The following STMND1 variants were observed in gnomAD, a reference collection of about 807,000 sequenced individuals.
The protein encoded by STMND1 is stathmin domain-containing protein 1.
A neutral mutation model predicts 23.0 loss-of-function variants in STMND1; 17 were observed. The ratio of observed to expected loss-of-function variants is 0.74; its 90% CI spans 0.51 to 1.11. The LOEUF (loss-of-function observed/expected upper bound fraction) is 1.11, where lower values mean the gene tolerates loss of function less well. STMND1 is among the 50% of genes least tolerant of loss of function. The pLI, the probability that STMND1 is intolerant of heterozygous loss-of-function variation, is 0.00. For missense variants in STMND1, 305 were observed against 329.1 expected (o/e 0.93, Z 0.57); for synonymous variants, 114 against 119.9 (o/e 0.95, Z 0.32).
intron 3 of STMND1, among the ~76,000 whole-genome samples, chr6:17,122,925 G>A (rs1169256106): frequency 6.6e-6 from 1 of 151,996 alleles, no homozygotes; most frequent in African/African-American, 2.4e-5. Flanking sequence ...CTAGCTGTAG[G>A]TGAGTCTGTA....
At chr6:17,126,614 G>A (rs769625607) in intron 3 of STMND1, among the ~76,000 whole-genome samples, 62 of 152,098 alleles carry the variant, frequency 4.1e-4, no homozygotes, top group Non-Finnish European at 6.8e-4. Context: ...CTCTAGTTGA[G>A]CCACCGTAGC....
rs1051925409 is a variant in STMND1, at chr6:17,131,208, C to G, written c.*327C>G. The G allele has an allele frequency of 4.4e-6, 1 of 227,920 alleles. No homozygotes were observed. Among genetic ancestry groups the G allele is most frequent in the African/African-American group, 2.3e-5 (1 of 44,242 alleles). 14.1% of individuals were successfully genotyped at this position (227,920 alleles called of 1,614,324 possible). A position where few individuals can be genotyped will look rare whatever the true frequency, so the allele number is the denominator to read the frequency against. On this transcript the variant is annotated 3_prime_UTR_variant, in exon 5 of 5. Transcript: ENST00000536551. ...TAATAAGTTCGTGCCAAATGAAATC[C>G]TTCCTGTTTACTCCTGCCTTGTGGC... is the stretch of plus-strand genomic sequence containing the variant.
intron 1 of STMND1, among the ~76,000 whole-genome samples, chr6:17,102,647 G>C (rs1374006897): frequency 1.3e-5 from 2 of 152,292 alleles, no homozygotes; most frequent in Admixed American, 1.3e-4. Context: ...TCACACCCCA[G>C]GGCACAGGCA....
At chr6:17,129,343 T>A in intron 4 of STMND1, 100 bp downstream of exon 4, 1 of 1,141,776 alleles carries the variant, frequency 8.8e-7, no homozygotes, top group Non-Finnish European at 1.2e-6. Flanking sequence ...ACAAACTGCA[T>A]GGATCTATAA....
At chr6:17,108,326 T>C (rs1252485849) in intron 1 of STMND1, among the ~76,000 whole-genome samples, 1 of 135,134 alleles carries the variant, frequency 7.4e-6, no homozygotes, top group Non-Finnish European at 1.6e-5. Flanking sequence ...ACTGAAAATA[T>C]TCAAATTCGC....
chr6:17,128,901 C>T, intron 3 of STMND1: 3 of 394,856 alleles, frequency 7.6e-6, no homozygotes, highest in Non-Finnish European at 1.4e-5. Flanking sequence ...TTTGTAGAGA[C>T]AAGGTTTCAC....
At chr6:17,124,815 T>C (rs964322448) in intron 3 of STMND1, among the ~76,000 whole-genome samples, 16 of 150,772 alleles carry the variant, frequency 1.1e-4, no homozygotes, top group African/African-American at 3.9e-4. Context: ...CTGGGCAACA[T>C]GGTAAAACCC....
Position 17,121,863 on chromosome 6 carries a change from A to ATT in STMND1, c.411+1121_411+1122dup, listed in dbSNP as rs11331622. On this transcript the variant is annotated intron_variant, in intron 3 of 4. Coordinates refer to ENST00000536551, the MANE Select transcript of STMND1 (RefSeq NM_001190766.2). ...GCTTGGCTAAAGTCTAGAGTTCTAA[A>ATT]TTTTTTTTTTTTTTTTTGAGATGGA... Among the ~76,000 whole-genome samples, 1,301 of 142,064 alleles carry ATT rather than the reference A, an allele frequency of 9.2e-3. 19 individuals carry two copies. The highest frequency in any genetic ancestry group is 0.032 in the African/African-American group (1,245 of 38,450). 93.2% of individuals were successfully genotyped at this position (142,064 alleles called of 152,430 possible).
intron 3 of STMND1, among the ~76,000 whole-genome samples, chr6:17,126,108 G>GGGTCTGAC (rs1293181429): frequency 3.6e-5 from 4 of 111,292 alleles, no homozygotes; most frequent in Non-Finnish European, 5.0e-5. Context: ...TAAAGAGACA[G>GGGTCTGAC]GGTCTGACTA....
At chr6:17,129,884 A>G (rs1761365605) in intron 4 of STMND1, among the ~76,000 whole-genome samples, 1 of 152,022 alleles carries the variant, frequency 6.6e-6, no homozygotes, top group Admixed American at 6.6e-5. Context: ...ATGGGGTCTC[A>G]TTATGTAGCC....
chr6:17,127,865 G>C (rs1177669142), intron 3 of STMND1: 1 of 152,164 alleles, frequency 6.6e-6, no homozygotes, highest in Non-Finnish European at 1.5e-5. Flanking sequence ...TATATAGAAA[G>C]ATGTCCATAT....
intron 1 of STMND1, among the ~76,000 whole-genome samples, chr6:17,107,549 T>A (rs774351345): frequency 9.9e-5 from 15 of 152,190 alleles, no homozygotes; most frequent in Non-Finnish European, 1.9e-4. Flanking sequence ...ATTACCTATA[T>A]AATATGCAGG....
At chr6:17,117,590 C>A (rs11962020) in intron 2 of STMND1, among the ~76,000 whole-genome samples, 2 of 150,376 alleles carry the variant, frequency 1.3e-5, no homozygotes, top group African/African-American at 4.9e-5. Flanking sequence ...ATTTGGAAAG[C>A]AGAAAACATT....
rs143732049 is a variant in STMND1, at chr6:17,121,182, C to T, written c.411+424C>T. Among the ~76,000 whole-genome samples, 488 of 152,288 alleles carry T rather than the reference C, an allele frequency of 3.2e-3. 3 individuals carry two copies. The highest frequency in any genetic ancestry group is 0.011 in the African/African-American group (451 of 41,572). On this transcript the variant is annotated intron_variant, in intron 3 of 4. Coordinates refer to ENST00000536551, the MANE Select transcript of STMND1 (RefSeq NM_001190766.2). The stretch of plus-strand genomic sequence containing the variant: ...TGATTGTAAGTTTCCTGAGGCCTTC[C>T]CAGCCATGTAGAACTCTGAATCAAT...
At chr6:17,110,580 C>A in intron 1 of STMND1, 1 of 295,774 alleles carries the variant, frequency 3.4e-6, no homozygotes. Context: ...CCAGCCTGGC[C>A]AACATGGTGA....
chr6:17,126,011 C>T (rs1178160013), intron 3 of STMND1, among the ~76,000 whole-genome samples: 2 of 125,030 alleles, frequency 1.6e-5, no homozygotes, highest in African/African-American at 6.4e-5. Context: ...TAACACCTCT[C>T]TAAGCATAAG....
At chr6:17,130,540 C>A in intron 4 of STMND1, 54 bp from the exon 5 acceptor site, 2 of 1,351,078 alleles carry the variant, frequency 1.5e-6, no homozygotes, top group Non-Finnish European at 2.0e-6. Context: ...ACATTAATCA[C>A]AACTTGGAGA....
intron 3 of STMND1, among the ~76,000 whole-genome samples, chr6:17,127,423 A>G (rs1203507297): frequency 5.9e-5 from 9 of 152,032 alleles, no homozygotes; most frequent in Non-Finnish European, 1.3e-4. Flanking sequence ...GGTGGCACAC[A>G]CCTGTAATCC....
chr6:17,130,275 C>T (rs986167631), intron 4 of STMND1, among the ~76,000 whole-genome samples: 1 of 152,134 alleles, frequency 6.6e-6, no homozygotes, highest in African/African-American at 2.4e-5. Flanking sequence ...CATCAGGCTG[C>T]ATTACTCCTG....
Sources: allele counts gnomAD v4.1 joint callset (sites outside exome capture counted in the v4.1 genomes callset), GRCh38; gene constraint gnomAD v4.1.1; transcripts MANE v1.5; gene names NCBI Gene and HGNC (gene_info 2026-07-23, HGNC 2026-07-21).